The following NBAS variants were observed in gnomAD, a reference collection of about 807,000 sequenced individuals.
The protein encoded by NBAS is NBAS subunit of NRZ tethering complex.
Under a neutral mutation model 302.5 loss-of-function variants are expected in NBAS, and 219 were observed. That is an observed-to-expected ratio of 0.72 (90% confidence interval 0.65 to 0.81). The LOEUF (loss-of-function observed/expected upper bound fraction) is 0.81, where lower values mean the gene tolerates loss of function less well. Ranked by LOEUF, NBAS falls within the 30% of genes least tolerant of loss-of-function variation. The pLI, the probability that NBAS is intolerant of heterozygous loss-of-function variation, is 0.00. For synonymous variants in NBAS, 1,118 were observed against 1,021.6 expected, an observed-to-expected ratio of 1.09 and a Z score of -1.80; for missense variants, 2,932 against 2,841.6, an observed-to-expected ratio of 1.03 and a Z score of -0.72.
At chr2:14,789,382 C>T in the NBAS span, among the ~76,000 whole-genome samples, 6 of 152,228 alleles carry the variant, frequency 3.9e-5, no homozygotes, top group Admixed American at 2.0e-4. Context: ...GAGATGAACC[C>T]GGTACCTCAG....
the NBAS span, among the ~76,000 whole-genome samples, chr2:14,978,076 T>A: frequency 6.6e-6 from 1 of 152,208 alleles, no homozygotes; most frequent in African/African-American, 2.4e-5. Flanking sequence ...CAAATGTCCA[T>A]ATCCTGTCTT....
At chr2:15,213,533 A>G (rs926832366) in intron 48 of NBAS, among the ~76,000 whole-genome samples, 1 of 152,212 alleles carries the variant, frequency 6.6e-6, no homozygotes, top group African/African-American at 2.4e-5. Flanking sequence ...TTCAAATATC[A>G]GTGCCATATA....
intron 47 of NBAS, among the ~76,000 whole-genome samples, chr2:15,225,602 T>C (rs1667120771): frequency 1.3e-5 from 2 of 152,198 alleles, no homozygotes; most frequent in Non-Finnish European, 2.9e-5. Flanking sequence ...TATGTGACAT[T>C]GTTCAATATT....
the NBAS span, among the ~76,000 whole-genome samples, chr2:15,109,924 T>C: frequency 6.6e-6 from 1 of 152,174 alleles, no homozygotes; most frequent in Non-Finnish European, 1.5e-5. Context: ...TTATTGTCCA[T>C]TCAATGTTTA....
chr2:15,015,214 A>G, the NBAS span, among the ~76,000 whole-genome samples: 1 of 152,012 alleles, frequency 6.6e-6, no homozygotes, highest in Non-Finnish European at 1.5e-5. Flanking sequence ...ACTTTAAAGA[A>G]AAAGTAATAC....
At chr2:15,339,163 C>T (rs1010642409) in intron 35 of NBAS, among the ~76,000 whole-genome samples, 2 of 151,252 alleles carry the variant, frequency 1.3e-5, no homozygotes, top group Admixed American at 6.6e-5. Flanking sequence ...ATTTTTTTTT[C>T]CATGCCCAAT....
intron 44 of NBAS, among the ~76,000 whole-genome samples, chr2:15,251,339 G>A (rs1364520405): frequency 6.6e-6 from 1 of 152,132 alleles, no homozygotes; most frequent in Non-Finnish European, 1.5e-5. Context: ...GATAGCATTA[G>A]GGGAAATAGC....
In NBAS at chr2:15,424,191, T is replaced by A. The variant is rs570575890; in HGVS notation, c.2577+124A>T. Reference sequence around the variant, plus strand: ...GATAACAAAGAAATAAATATTCAATTCATCTCTTGCAATTATATACATGAT... The same window carrying A: ...GATAACAAAGAAATAAATATTCAATACATCTCTTGCAATTATATACATGAT... On this transcript the variant is annotated intron_variant, in intron 23 of 51. Transcript: ENST00000281513. The A allele has an allele frequency of 3.7e-4, 430 of 1,148,476 alleles. No individual in the cohort carries two copies. In the African/African-American group the frequency reaches 5.7e-3, roughly 15 times the overall value. The allele number at this position is 1,148,476 out of a possible 1,614,324, so 71.1% of individuals were successfully genotyped here. A position where few individuals can be genotyped will look rare whatever the true frequency, so the allele number is the denominator to read the frequency against.
In NBAS at chr2:15,190,368, G is replaced by A. The variant is rs1277059834; in HGVS notation, c.6468C>T (p.Arg2156=). Residue 2156 remains arginine (R), a synonymous_variant, in exon 49 of 52, where the codon CGC becomes CGT. Transcript: ENST00000281513. ...DIADIENEEN[R]YCLFMELLES... ...CCAGGAGTTCCATGAATAGACAGTAGCGGTTCTCTTCATTCTCAATGTCAG... is the reference window on the plus strand; with the variant it reads ...CCAGGAGTTCCATGAATAGACAGTAACGGTTCTCTTCATTCTCAATGTCAG... 1 of 1,613,952 alleles carries A rather than the reference G, an allele frequency of 6.2e-7. No homozygotes were observed. The highest frequency in any genetic ancestry group is 1.7e-5 in the Admixed American group (1 of 60,010).
Position 15,275,610 on chromosome 2 carries a change from G to A in NBAS, c.5598C>T (p.Val1866=). 2 of 1,614,180 alleles carry A rather than the reference G, an allele frequency of 1.2e-6. No individual in the cohort carries two copies. Among genetic ancestry groups the A allele is most frequent in the Admixed American group, 1.7e-5 (1 of 60,022 alleles). ...GAAGCCACTCCGGTGAAGAGCCTGG[G>A]ACTTGTTTAATGAGATGAGGGTCTC... The part of the protein sequence containing the change: ...WTGDPHLIKQ[V]PGSSPEWLHA... The change falls in exon 44 of 52, where the codon GTC becomes GTT. Residue 1866 remains valine (V), a synonymous_variant. Coordinates refer to ENST00000281513, the MANE Select transcript of NBAS (RefSeq NM_015909.4).
chr2:15,247,400 T>C (rs1166526698), intron 44 of NBAS, among the ~76,000 whole-genome samples: 2 of 152,098 alleles, frequency 1.3e-5, no homozygotes, highest in Non-Finnish European at 2.9e-5. Context: ...TAACCTTAAA[T>C]GTAAACAGGC....
chr2:15,185,679 G>T (rs539189664), intron 50 of NBAS, among the ~76,000 whole-genome samples: 1 of 152,232 alleles, frequency 6.6e-6, no homozygotes, highest in Admixed American at 6.5e-5. Context: ...ACTAGAGTAA[G>T]GGGAGGTAAT....
At chr2:15,489,223 A>T (rs1417265407) in intron 11 of NBAS, among the ~76,000 whole-genome samples, 1 of 152,200 alleles carries the variant, frequency 6.6e-6, no homozygotes, top group Non-Finnish European at 1.5e-5. Flanking sequence ...CCTACTTCAG[A>T]GTTATAATTT....
At chr2:15,426,020 C>T (rs1677454214) in intron 22 of NBAS, among the ~76,000 whole-genome samples, 1 of 152,186 alleles carries the variant, frequency 6.6e-6, no homozygotes, top group African/African-American at 2.4e-5. Context: ...CAGCTCTCTT[C>T]TTGCTTTCCA....
chr2:14,913,654 TG>T, the NBAS span, among the ~76,000 whole-genome samples: 1 of 152,088 alleles, frequency 6.6e-6, no homozygotes, highest in Non-Finnish European at 1.5e-5. Flanking sequence ...AAAGATAACC[TG>T]GCAGCCATGT....
At chr2:14,925,569 T>G in the NBAS span, among the ~76,000 whole-genome samples, 3 of 152,300 alleles carry the variant, frequency 2.0e-5, no homozygotes, top group African/African-American at 7.2e-5. Flanking sequence ...ACCATCTGCA[T>G]TTTGGCTCAT....
chr2:15,273,565 C>T (rs1297055077), intron 44 of NBAS, among the ~76,000 whole-genome samples: 5 of 152,188 alleles, frequency 3.3e-5, no homozygotes, highest in Non-Finnish European at 7.4e-5. Flanking sequence ...CTTAACTTTG[C>T]TAAGCCTCAG....
chr2:15,333,230 A>G lies in NBAS; in HGVS notation c.4180-2465T>C, dbSNP rs192434691. Among the ~76,000 whole-genome samples, 284 of 152,306 alleles carry G rather than the reference A, an allele frequency of 1.9e-3. 5 individuals carry two copies. In the South Asian group the frequency reaches 0.053, roughly 29 times the overall value. Reference sequence around the variant, plus strand: ...AACTGGTGAAAATGATTTCAGGAAGAAAATACAACTTAAGAGGATGCAACT... The same window carrying G: ...AACTGGTGAAAATGATTTCAGGAAGGAAATACAACTTAAGAGGATGCAACT... On this transcript the variant is annotated intron_variant, in intron 35 of 51. Coordinates refer to ENST00000281513, the MANE Select transcript of NBAS (RefSeq NM_015909.4).
At chr2:14,948,749 T>C in the NBAS span, among the ~76,000 whole-genome samples, 5 of 151,442 alleles carry the variant, frequency 3.3e-5, no homozygotes, top group Non-Finnish European at 5.9e-5. Context: ...AATCTTAAAA[T>C]GTATACAGAA....
Sources: allele counts gnomAD v4.1 joint callset (sites outside exome capture counted in the v4.1 genomes callset), GRCh38; gene constraint gnomAD v4.1.1; transcripts MANE v1.5; gene names NCBI Gene and HGNC (gene_info 2026-07-23, HGNC 2026-07-21).